MTUS2: variants seen among roughly 807,000 people sequenced by gnomAD.
MTUS2 encodes the protein microtubule-associated tumor suppressor candidate 2.
In MTUS2, 40 loss-of-function variants were observed where a neutral mutation model predicts 114.1. The ratio of observed to expected loss-of-function variants is 0.35; its 90% confidence interval spans 0.27 to 0.46. The LOEUF (loss-of-function observed/expected upper bound fraction) is 0.46, where lower values mean the gene tolerates loss of function less well. Among genes scored for constraint, MTUS2 ranks in the 20% least tolerant of loss-of-function variants. The pLI is 1.00. For missense variants in MTUS2, 1,679 were observed against 1,705.4 expected (o/e 0.98, Z 0.27); for synonymous variants, 688 against 672.0 (o/e 1.02, Z -0.37).
In MTUS2 at chr13:29,505,725, A is replaced by G. The variant is rs1460581186; in HGVS notation, c.*2519A>G. ...CAGATACCACCTGTCTCTTCGTGGC[A>G]TTTGGGAGATGCGTGGGCGGCCTGC... On this transcript the variant is annotated 3_prime_UTR_variant, in exon 16 of 16. Coordinates refer to ENST00000612955, the MANE Select transcript of MTUS2 (RefSeq NM_001033602.4). The G allele has an allele frequency of 3.5e-5, 8 of 229,002 alleles. No homozygotes were observed. Among genetic ancestry groups the G allele is most frequent in the Non-Finnish European group, 6.9e-5 (8 of 115,650 alleles). The allele number at this position is 229,002 out of a possible 1,614,324, so 14.2% of individuals were successfully genotyped here.
intron 1 of MTUS2, among the ~76,000 whole-genome samples, chr13:28,827,868 A>G (rs1001047287): frequency 3.3e-5 from 5 of 152,228 alleles, no homozygotes; most frequent in Non-Finnish European, 7.3e-5. Context: ...TCACATGGCA[A>G]ATGGAGGCAG....
intron 2 of MTUS2, among the ~76,000 whole-genome samples, chr13:29,004,895 C>A (rs1380881166): frequency 1.3e-5 from 2 of 152,112 alleles, no homozygotes; most frequent in Non-Finnish European, 2.9e-5. Flanking sequence ...TGATGAGGAT[C>A]ATGGGAAGGG....
At chr13:29,043,196 A>C (rs1003970163) in intron 4 of MTUS2, among the ~76,000 whole-genome samples, 7 of 152,238 alleles carry the variant, frequency 4.6e-5, no homozygotes, top group African/African-American at 1.7e-4. Flanking sequence ...TTGATGCAAC[A>C]ATCTTTCAAG....
chr13:28,893,634 GA>G (rs1432608886), intron 2 of MTUS2, among the ~76,000 whole-genome samples: 1 of 152,196 alleles, frequency 6.6e-6, no homozygotes, highest in African/African-American at 2.4e-5. Context: ...TATAGGAACA[GA>G]AGCATCCCAT....
chr13:29,405,346 C>A (rs905983293), intron 8 of MTUS2, among the ~76,000 whole-genome samples: 1 of 152,206 alleles, frequency 6.6e-6, no homozygotes, highest in African/African-American at 2.4e-5. Context: ...ATCATATTGA[C>A]AACCTGTTTT....
chr13:28,920,716 A>G (rs1880994582), intron 2 of MTUS2, among the ~76,000 whole-genome samples: 1 of 152,194 alleles, frequency 6.6e-6, no homozygotes. Context: ...CAAAAAGCCT[A>G]GATATTTAGT....
At chr13:29,139,901 C>G (rs554311228) in intron 5 of MTUS2, among the ~76,000 whole-genome samples, 11 of 152,180 alleles carry the variant, frequency 7.2e-5, no homozygotes, top group Non-Finnish European at 1.5e-4. Context: ...GGCGCTCTCT[C>G]CATCAGCCAG....
chr13:28,880,153 G>T (rs1201035591), intron 2 of MTUS2, among the ~76,000 whole-genome samples: 1 of 152,118 alleles, frequency 6.6e-6, no homozygotes, highest in Non-Finnish European at 1.5e-5. Flanking sequence ...ATTTAAGGAA[G>T]AAATCTGTAT....
chr13:29,132,159 C>T (rs1566024432), intron 5 of MTUS2, among the ~76,000 whole-genome samples: 1 of 152,190 alleles, frequency 6.6e-6, no homozygotes, highest in South Asian at 2.1e-4. Flanking sequence ...TGTATATACA[C>T]ATACATATAC....
rs1460924363 is a variant in MTUS2 at position 29,505,557 on chromosome 13, T to G, written c.*2351T>G. 1.3e-5 allele frequency: 3 copies of G among 228,766 alleles called. No homozygotes were observed. Among genetic ancestry groups the G allele is most frequent in the Non-Finnish European group, 2.6e-5 (3 of 115,358 alleles). 14.2% of individuals were successfully genotyped at this position (228,766 alleles called of 1,614,324 possible). A position where few individuals can be genotyped will look rare whatever the true frequency, so the allele number is the denominator to read the frequency against. The stretch of plus-strand genomic sequence containing the variant: ...CACATGGGGCGGCAGCTGCTGTGCC[T>G]CCTTCTCAATTCTTCCACCCCCCCA... On this transcript the variant is annotated 3_prime_UTR_variant, in exon 16 of 16. Coordinates refer to ENST00000612955, the MANE Select transcript of MTUS2 (RefSeq NM_001033602.4).
At chr13:29,245,694 ATTT>A (rs34670074) in intron 5 of MTUS2, among the ~76,000 whole-genome samples, 2 of 125,572 alleles carry the variant, frequency 1.6e-5, no homozygotes, top group African/African-American at 3.0e-5. Flanking sequence ...ATCTATTTTA[ATTT>A]TTTTTTTTTT....
At position 29,389,537 on chromosome 13, in the gene MTUS2, G is replaced by A. The variant is rs1431220711; in HGVS notation, c.3117+30064G>A. ...TGTGTATGTGTATATATGTATACACGTGTGTATATGTATACACGTGTGTAT... is the reference window on the plus strand; with the variant it reads ...TGTGTATGTGTATATATGTATACACATGTGTATATGTATACACGTGTGTAT... On this transcript the variant is annotated intron_variant, in intron 8 of 15. Transcript: ENST00000612955. Among the ~76,000 whole-genome samples the A allele has an allele frequency of 1.7e-3, 11 of 6,448 alleles. 2 individuals carry two copies. In the East Asian group the frequency reaches 0.026, roughly 15 times the overall value. 4.2% of individuals were successfully genotyped at this position (6,448 alleles called of 152,430 possible). A position where few individuals can be genotyped will look rare whatever the true frequency, so the allele number is the denominator to read the frequency against.
rs1160678859 is a variant in MTUS2, at chr13:29,505,241, T to A, written c.*2035T>A. 1 of 231,742 alleles carries A rather than the reference T, an allele frequency of 4.3e-6. No individual in the cohort carries two copies. 14.4% of individuals were successfully genotyped at this position (231,742 alleles called of 1,614,324 possible). On this transcript the variant is annotated 3_prime_UTR_variant, in exon 16 of 16. Coordinates refer to ENST00000612955, the MANE Select transcript of MTUS2 (RefSeq NM_001033602.4). ...CTTAGCTGTCCGAATTAGGAACCGC[T>A]TACATAGCCGCACCTGCTAAATGCA... is the stretch of plus-strand genomic sequence containing the variant.
At chr13:28,827,015 C>T (rs2137934465) in intron 1 of MTUS2, among the ~76,000 whole-genome samples, 1 of 152,316 alleles carries the variant, frequency 6.6e-6, no homozygotes. Context: ...CTTCTCAAGA[C>T]AGGCAGTATT....
chr13:29,438,437 A>C (rs1877581041), intron 8 of MTUS2, among the ~76,000 whole-genome samples: 2 of 152,206 alleles, frequency 1.3e-5, no homozygotes, highest in Non-Finnish European at 2.9e-5. Context: ...TGGGAAGCCC[A>C]AGATCTAGGC....
intron 11 of MTUS2, among the ~76,000 whole-genome samples, chr13:29,491,799 T>C (rs1170740977): frequency 7.0e-6 from 1 of 143,238 alleles, no homozygotes; most frequent in Non-Finnish European, 1.5e-5. Context: ...GTATGTAGCG[T>C]ATGTGATGTG....
chr13:29,037,772 C>T (rs1194733037), intron 4 of MTUS2, among the ~76,000 whole-genome samples: 7 of 152,134 alleles, frequency 4.6e-5, no homozygotes, highest in African/African-American at 1.7e-4. Context: ...GGTCTTCAAT[C>T]TCTGATATCC....
In MTUS2 at chr13:29,082,070, A is replaced by G. The variant is rs551355206; in HGVS notation, c.2447-18703A>G. Among the ~76,000 whole-genome samples, 151 of 152,244 alleles carry G rather than the reference A, an allele frequency of 9.9e-4. 1 individual carries two copies. The highest frequency in any genetic ancestry group is 3.2e-3 in the African/African-American group (135 of 41,546). The stretch of plus-strand genomic sequence containing the variant: ...ATGTGATAGGAGTTGAGGCTTCAGG[A>G]AGCAATTAGTTTTAGATGAGGTCAT... On this transcript the variant is annotated intron_variant, in intron 4 of 15. Coordinates refer to ENST00000612955, the MANE Select transcript of MTUS2 (RefSeq NM_001033602.4).
chr13:29,439,850 A>G lies in MTUS2; in HGVS notation c.3118-133A>G, dbSNP rs565780647. The G allele has an allele frequency of 1.9e-5, 14 of 745,776 alleles. No individual in the cohort carries two copies. The South Asian group carries it at 2.0e-4, about 10-fold the overall frequency. The allele number at this position is 745,776 out of a possible 1,614,324, so 46.2% of individuals were successfully genotyped here. On this transcript the variant is annotated intron_variant, in intron 8 of 15. Coordinates refer to ENST00000612955, the MANE Select transcript of MTUS2 (RefSeq NM_001033602.4). ...ACTTTGTAAGTTTTTACATGCTTATATAATGTGAAAATTATCTCCTTAAGG... is the reference window on the plus strand; with the variant it reads ...ACTTTGTAAGTTTTTACATGCTTATGTAATGTGAAAATTATCTCCTTAAGG...
Sources: allele counts gnomAD v4.1 joint callset (sites outside exome capture counted in the v4.1 genomes callset), GRCh38; gene constraint gnomAD v4.1.1; transcripts MANE v1.5; gene names NCBI Gene and HGNC (gene_info 2026-07-23, HGNC 2026-07-21).